ADK: variants seen among roughly 807,000 people sequenced by gnomAD.
ADK encodes the protein adenosine kinase.
Under a neutral mutation model 44.7 loss-of-function variants are expected in ADK, and 24 were observed. That is an observed-to-expected ratio of 0.54 (90% CI 0.39 to 0.76). ADK has a LOEUF of 0.76. Among genes scored for constraint, ADK ranks in the 30% least tolerant of loss-of-function variants. The pLI is 0.00. For synonymous variants in ADK, 128 were observed against 142.6 expected (o/e 0.90, Z 0.73); for missense variants, 321 against 425.1 (o/e 0.76, Z 2.15).
intron 6 of ADK, among the ~76,000 whole-genome samples, chr10:74,416,347 G>A (rs1844374316): frequency 6.6e-6 from 1 of 151,846 alleles, no homozygotes. Flanking sequence ...TCTATCATGT[G>A]TTTTCTTTCT....
At chr10:74,187,884 ATCT>A (rs1294606900) in intron 1 of ADK, among the ~76,000 whole-genome samples, 1 of 152,094 alleles carries the variant, frequency 6.6e-6, no homozygotes, top group Admixed American at 6.6e-5. Flanking sequence ...ATTTATTTGT[ATCT>A]TCTTATGTCA....
chr10:74,379,234 G>A (rs114184686), intron 4 of ADK, among the ~76,000 whole-genome samples: 1,611 of 152,218 alleles, frequency 0.011, 29 homozygotes, highest in African/African-American at 0.037. Flanking sequence ...GGAAATCATC[G>A]CAACAGTCTA....
intron 6 of ADK, among the ~76,000 whole-genome samples, chr10:74,466,286 T>TA (rs1461239936): frequency 6.6e-6 from 1 of 152,228 alleles, no homozygotes; most frequent in Non-Finnish European, 1.5e-5. Flanking sequence ...CTATCCTGTG[T>TA]AAGCATGCTA....
chr10:74,403,749 A>C (rs1345245555), intron 6 of ADK, among the ~76,000 whole-genome samples: 1 of 152,006 alleles, frequency 6.6e-6, no homozygotes, highest in Non-Finnish European at 1.5e-5. Context: ...GGCTGCATCC[A>C]CTGTCCGACA....
chr10:74,662,971 G>A (rs950294841), intron 9 of ADK, among the ~76,000 whole-genome samples: 10 of 152,222 alleles, frequency 6.6e-5, no homozygotes, highest in Non-Finnish European at 8.8e-5. Context: ...GCGCATGCCT[G>A]TAATCCCAGC....
chr10:74,178,004 C>T (rs553144980), intron 1 of ADK, among the ~76,000 whole-genome samples: 3 of 147,676 alleles, frequency 2.0e-5, no homozygotes, highest in South Asian at 2.1e-4. Context: ...TGCAATGGCG[C>T]GCTCTCTGCT....
chr10:74,600,785 A>G (rs997223332), intron 9 of ADK, among the ~76,000 whole-genome samples: 22 of 152,034 alleles, frequency 1.4e-4, no homozygotes, highest in Non-Finnish European at 2.8e-4. Context: ...AAAAAAGAAT[A>G]CATTTCATTT....
intron 6 of ADK, among the ~76,000 whole-genome samples, chr10:74,444,412 A>T (rs1341339868): frequency 6.6e-6 from 1 of 152,114 alleles, no homozygotes; most frequent in African/African-American, 2.4e-5. Context: ...CTCCTGTTTT[A>T]TACTGATCTT....
chr10:74,636,581 A>G (rs1025070284), intron 9 of ADK, among the ~76,000 whole-genome samples: 1 of 152,224 alleles, frequency 6.6e-6, no homozygotes, highest in Non-Finnish European at 1.5e-5. Context: ...AGAGCCTACT[A>G]TGTTCTATGT....
intron 10 of ADK, among the ~76,000 whole-genome samples, chr10:74,672,749 T>G (rs534990698): frequency 2.0e-4 from 30 of 152,342 alleles, no homozygotes; most frequent in African/African-American, 7.2e-4. Flanking sequence ...CAGTACCTAC[T>G]AACCAACCAA....
At chr10:74,363,896 G>A (rs1842419768) in intron 4 of ADK, among the ~76,000 whole-genome samples, 1 of 152,182 alleles carries the variant, frequency 6.6e-6, no homozygotes, top group Non-Finnish European at 1.5e-5. Context: ...GCAGGTTCCT[G>A]TTTCTGCACA....
intron 4 of ADK, among the ~76,000 whole-genome samples, chr10:74,386,221 G>A (rs955288348): frequency 3.9e-5 from 6 of 151,964 alleles, no homozygotes; most frequent in Admixed American, 1.3e-4. Flanking sequence ...TCTTTTAGTT[G>A]TGCTTTACAG....
chr10:74,334,893 G>A (rs1841355277), intron 4 of ADK, among the ~76,000 whole-genome samples: 1 of 152,106 alleles, frequency 6.6e-6, no homozygotes, highest in South Asian at 2.1e-4. Context: ...CCTTCATTCA[G>A]AGGCCTCTTT....
intron 2 of ADK, among the ~76,000 whole-genome samples, chr10:74,209,714 C>T (rs759625696): frequency 6.6e-6 from 1 of 151,418 alleles, no homozygotes; most frequent in Non-Finnish European, 1.5e-5. Flanking sequence ...AAACTCCTGT[C>T]CCTCCCACCA....
chr10:74,449,493 A>G (rs1229563573), intron 6 of ADK, among the ~76,000 whole-genome samples: 1 of 152,232 alleles, frequency 6.6e-6, no homozygotes, highest in East Asian at 1.9e-4. Flanking sequence ...AAAAAGAAAT[A>G]GAAAGTTCAG....
At chr10:74,522,482 G>C (rs1021836496) in intron 6 of ADK, among the ~76,000 whole-genome samples, 17 of 152,142 alleles carry the variant, frequency 1.1e-4, no homozygotes, top group Non-Finnish European at 2.2e-4. Flanking sequence ...CACAATTATA[G>C]TAGACGATTC....
intron 9 of ADK, among the ~76,000 whole-genome samples, chr10:74,612,381 A>G (rs1170477920): frequency 6.6e-6 from 1 of 152,124 alleles, no homozygotes; most frequent in East Asian, 1.9e-4. Flanking sequence ...TCAGCCTTCC[A>G]AAGTGCTGAG....
chr10:74,322,643 C>T (rs921874718), intron 4 of ADK, among the ~76,000 whole-genome samples: 1 of 152,108 alleles, frequency 6.6e-6, no homozygotes, highest in Admixed American at 6.5e-5. Flanking sequence ...ATTATTATAA[C>T]TTAGATCAGA....
intron 4 of ADK, among the ~76,000 whole-genome samples, chr10:74,356,120 G>A (rs1347464216): frequency 7.1e-6 from 1 of 141,832 alleles, no homozygotes; most frequent in African/African-American, 2.6e-5. Flanking sequence ...CCGGGTTCAC[G>A]CCATTCTCCT....
Sources: allele counts gnomAD v4.1 joint callset (sites outside exome capture counted in the v4.1 genomes callset), GRCh38; gene constraint gnomAD v4.1.1; transcripts MANE v1.5; gene names NCBI Gene and HGNC (gene_info 2026-07-23, HGNC 2026-07-21).